Variants in PFKFB3 observed in about 807,000 individuals in gnomAD.
The protein encoded by PFKFB3 is 6-phosphofructo-2-kinase/fructose-2,6-biphosphatase 3, also known as 6-phosphofructo-2-kinase/fructose-2,6-bisphosphatase 3.
A neutral mutation model predicts 68.0 loss-of-function variants in PFKFB3; 33 were observed. That is an observed-to-expected ratio of 0.49 (90% CI 0.37 to 0.65). The LOEUF is 0.65. Ranked by LOEUF, PFKFB3 falls within the 30% of genes least tolerant of loss-of-function variation. The pLI is 0.00. For missense variants in PFKFB3, 586 were observed against 712.2 expected (o/e 0.82, Z 2.02); for synonymous variants, 315 against 288.2 (o/e 1.09, Z -0.94).
chr10:6,279,445 AT>A, the PFKFB3 span, among the ~76,000 whole-genome samples: 2 of 152,260 alleles, frequency 1.3e-5, no homozygotes, highest in African/African-American at 4.8e-5. Flanking sequence ...GGCTGAGCAG[AT>A]TTTATTTTTC....
chr10:6,183,601 C>CA lies in PFKFB3; in HGVS notation c.17-30008dup, dbSNP rs773888395. On this transcript the variant is annotated intron_variant, in intron 1 of 14. Coordinates refer to the PFKFB3 transcript ENST00000379789. ...GTCAGGAGTTCGAGACCAGCCTGGT[C>CA]AAAAAAAAAAAAAATATATATATAT... Among the ~76,000 whole-genome samples the CA allele has an allele frequency of 3.7e-3, 469 of 127,802 alleles. 4 individuals carry two copies. The highest frequency in any genetic ancestry group is 4.8e-3 in the Admixed American group (59 of 12,372). 83.8% of individuals were successfully genotyped at this position (127,802 alleles called of 152,430 possible). A position where few individuals can be genotyped will look rare whatever the true frequency, so the allele number is the denominator to read the frequency against.
Position 6,228,271 on chromosome 10 carries a change from C to T in PFKFB3, c.1515+1906C>T, listed in dbSNP as rs746099584. The T allele has an allele frequency of 6.3e-7, 1 of 1,596,966 alleles. No individual in the cohort carries two copies. The highest frequency in any genetic ancestry group is 8.6e-7 in the Non-Finnish European group (1 of 1,165,792). On this transcript the variant is annotated intron_variant, in intron 14 of 14. Coordinates refer to ENST00000379775, the MANE Select transcript of PFKFB3 (RefSeq NM_004566.4). This position sits in a 1 kb window ranked among gnomAD's most constrained non-coding sequence, Gnocchi z 4.5. ...GCTTGCACTGCTTTCTTCCTGCTTG[C>T]TCATTTGGCCTCCTGCCTGTTAAAA... is the stretch of plus-strand genomic sequence containing the variant.
intron 1 of PFKFB3, among the ~76,000 whole-genome samples, chr10:6,193,271 A>G (rs1475026770): frequency 1.3e-5 from 2 of 152,222 alleles, no homozygotes; most frequent in Non-Finnish European, 2.9e-5. Context: ...GGACAGTTTG[A>G]GCCCAGAAAC....
chr10:6,152,898 G>A (rs1459235143), intron 1 of PFKFB3, among the ~76,000 whole-genome samples: 1 of 151,514 alleles, frequency 6.6e-6, no homozygotes, highest in Non-Finnish European at 1.5e-5. Flanking sequence ...AGGAAGAAGA[G>A]GCTGGGCACG....
chr10:6,231,860 C>T (rs566644944), intron 14 of PFKFB3, among the ~76,000 whole-genome samples: 3 of 151,324 alleles, frequency 2.0e-5, no homozygotes, highest in Non-Finnish European at 2.9e-5. Flanking sequence ...CCATCACCTC[C>T]TGGCGGGCAC....
chr10:6,177,424 C>CTCTCT (rs1842530448), intron 1 of PFKFB3, among the ~76,000 whole-genome samples: 6 of 33,554 alleles, frequency 1.8e-4, no homozygotes, highest in Non-Finnish European at 2.7e-4. Context: ...TCTCTTTCTT[C>CTCTCT]CTTTCTTTTC....
In PFKFB3 at chr10:6,228,115, G is replaced by A; in HGVS notation, c.1515+1750G>A. 1 of 1,508,338 alleles carries A rather than the reference G, an allele frequency of 6.6e-7. No individual in the cohort carries two copies. The highest frequency in any genetic ancestry group is 9.2e-7 in the Non-Finnish European group (1 of 1,085,940). The allele number at this position is 1,508,338 out of a possible 1,614,324, so 93.4% of individuals were successfully genotyped here. A position where few individuals can be genotyped will look rare whatever the true frequency, so the allele number is the denominator to read the frequency against. ...ACGTCTGAAGCTGCTGGCTGGGCCG[G>A]CGTGGGGTTTTTCAGGGCTTCGTCC... On this transcript the variant is annotated intron_variant, in intron 14 of 14. Coordinates refer to ENST00000379775, the MANE Select transcript of PFKFB3 (RefSeq NM_004566.4). The surrounding 1 kb of genome is among the most constrained non-coding windows in gnomAD (Gnocchi z 4.5).
chr10:6,230,038 C>T (rs551215867), intron 14 of PFKFB3, among the ~76,000 whole-genome samples: 2 of 152,158 alleles, frequency 1.3e-5, no homozygotes, highest in Non-Finnish European at 2.9e-5. Context: ...GACACGTGGC[C>T]TCATGTTGCC....
downstream of PFKFB3, among the ~76,000 whole-genome samples, chr10:6,258,808 C>G (rs1488154226): frequency 1.3e-5 from 2 of 152,148 alleles, no homozygotes; most frequent in Admixed American, 6.5e-5. Context: ...ACTCTCTTCC[C>G]ACTTGGTGGT....
intron 1 of PFKFB3, among the ~76,000 whole-genome samples, chr10:6,190,401 C>T (rs574672639): frequency 2.0e-5 from 3 of 152,378 alleles, no homozygotes; most frequent in African/African-American, 7.2e-5. Flanking sequence ...TTTCCCATCT[C>T]CTACATGCAT....
At chr10:6,252,456 C>A (rs1328987315) in intron 14 of PFKFB3, among the ~76,000 whole-genome samples, 1 of 152,194 alleles carries the variant, frequency 6.6e-6, no homozygotes, top group Non-Finnish European at 1.5e-5. Context: ...CTAGAAATCT[C>A]TCCCAAGGCA....
intron 13 of PFKFB3, 181 bp downstream of exon 13, chr10:6,224,394 G>A: frequency 1.6e-6 from 1 of 635,352 alleles, no homozygotes. Flanking sequence ...GTGGCTTCTG[G>A]GGCCTTCTCA....
chr10:6,220,912 G>A lies in PFKFB3; in HGVS notation c.831+47G>A. On this transcript the variant is annotated intron_variant, in intron 8 of 14. Transcript: ENST00000379775. This position sits in a 1 kb window ranked among gnomAD's most constrained non-coding sequence, Gnocchi z 4.1. ...GGGCCGTTCTGGCTGTAGGGCGGTT[G>A]CAGGGTCTATAGGGTGGGTGGGGAG... The A allele has an allele frequency of 7.7e-6, 12 of 1,568,346 alleles. No individual in the cohort carries two copies. The highest frequency in any genetic ancestry group is 1.3e-5 in the African/African-American group (1 of 74,156).
intron 1 of PFKFB3, among the ~76,000 whole-genome samples, chr10:6,172,124 C>T (rs567487358): frequency 1.3e-5 from 2 of 152,364 alleles, no homozygotes; most frequent in South Asian, 4.1e-4. Flanking sequence ...TGCGAGAAAG[C>T]CCCTGCTGGC....
the PFKFB3 span, among the ~76,000 whole-genome samples, chr10:6,316,724 A>G: frequency 1.3e-5 from 2 of 152,052 alleles, no homozygotes; most frequent in African/African-American, 2.4e-5. Context: ...GTGACTCCCA[A>G]AGTGCTAGGA....
At chr10:6,226,812 G>A (rs919859098) in intron 14 of PFKFB3, among the ~76,000 whole-genome samples, 6 of 152,310 alleles carry the variant, frequency 3.9e-5, no homozygotes, top group African/African-American at 9.6e-5. Context: ...AAGGCCAGGC[G>A]CGGTGGCTCA....
chr10:6,213,585 CTTGG>C, intron 1 of PFKFB3, 34 bp from the exon 2 acceptor site: 1 of 1,591,068 alleles, frequency 6.3e-7, no homozygotes, highest in Non-Finnish European at 8.6e-7. Flanking sequence ...TCTCCGGTCA[CTTGG>C]TTGATGACAC....
chr10:6,145,160 C>A, intron 1 of PFKFB3: 1 of 534,976 alleles, frequency 1.9e-6, no homozygotes, highest in Non-Finnish European at 2.9e-6. Context: ...CCAAGCGAGA[C>A]GCGCTCCGCC....
At chr10:6,171,572 T>C (rs1842313702) in intron 1 of PFKFB3, among the ~76,000 whole-genome samples, 1 of 152,088 alleles carries the variant, frequency 6.6e-6, no homozygotes, top group South Asian at 2.1e-4. Context: ...ATTTTATTTT[T>C]TGTAGAGATG....
Sources: gnomAD v4.1 joint callset for allele counts (sites outside exome capture counted in the v4.1 genomes callset) on GRCh38, gnomAD v4.1.1 for gene constraint, Gnocchi (gnomAD v3.1) non-coding constraint, MANE v1.5 for transcripts, NCBI Gene and HGNC (gene_info 2026-07-23, HGNC 2026-07-21) for gene names.